AGBL4: variants seen among roughly 807,000 people sequenced by gnomAD.
AGBL4 encodes AGBL carboxypeptidase 4.
In AGBL4, 58 loss-of-function variants were observed where a neutral mutation model predicts 66.4. That is an observed-to-expected ratio of 0.87 (90% CI 0.71 to 1.09). The LOEUF (loss-of-function observed/expected upper bound fraction) is 1.09. Among genes scored for constraint, AGBL4 ranks in the 50% least tolerant of loss-of-function variants. The probability of loss-of-function intolerance (pLI) is 0.00; values close to 1 mark genes in which losing one functional copy is unlikely to be tolerated. For missense variants in AGBL4, 579 were observed against 631.0 expected (o/e 0.92, Z 0.88); for synonymous variants, 234 against 222.9 (o/e 1.05, Z -0.44).
chr1:49,652,149 C>CA (rs568171489), intron 3 of AGBL4, among the ~76,000 whole-genome samples: 28 of 151,244 alleles, frequency 1.9e-4, no homozygotes, highest in African/African-American at 4.9e-4. Flanking sequence ...AAAAACAAAG[C>CA]AAAAAAAATT....
At chr1:49,089,257 C>G (rs1644960653) in intron 4 of AGBL4, among the ~76,000 whole-genome samples, 1 of 150,268 alleles carries the variant, frequency 6.7e-6, no homozygotes, top group African/African-American at 2.4e-5. Flanking sequence ...AAATTCAGAG[C>G]TGAACTGAAA....
Position 49,262,089 on chromosome 1 carries a change from G to C in AGBL4, c.283-16225C>G, listed in dbSNP as rs1225233882. ...ATTCCCTATTTAATAAATGGTGCTG[G>C]GAAAACTGGCTAGCCATATGTAGAA... On this transcript the variant is annotated intron_variant, in intron 3 of 13. Transcript: ENST00000371839. Among the ~76,000 whole-genome samples the C allele has an allele frequency of 1.4e-4, 22 of 152,060 alleles. No individual in the cohort carries two copies. In the East Asian group the frequency reaches 3.9e-3, roughly 27 times the overall value.
chr1:49,913,299 C>T (rs1209511377), intron 1 of AGBL4, among the ~76,000 whole-genome samples: 24 of 152,218 alleles, frequency 1.6e-4, no homozygotes. Flanking sequence ...GATAGACATT[C>T]CCATTCCAAA....
chr1:49,059,172 GA>G (rs139622461), intron 4 of AGBL4, among the ~76,000 whole-genome samples: 1,855 of 152,252 alleles, frequency 0.012, 37 homozygotes, highest in African/African-American at 0.043. Flanking sequence ...GCCTAGGAGG[GA>G]AAAAATGGTT....
chr1:49,427,521 T>C lies in AGBL4; in HGVS notation c.283-181657A>G, dbSNP rs151248643. ...ACTTCAAGAATGAAGCCACGGACCC[T>C]TGCAGTGAGTGTTACAGTTCTTAAA... On this transcript the variant is annotated intron_variant, in intron 3 of 13. Transcript: ENST00000371839. Among the ~76,000 whole-genome samples, 205 of 152,322 alleles carry C rather than the reference T, an allele frequency of 1.3e-3. 1 individual carries two copies. The highest frequency in any genetic ancestry group is 4.7e-3 in the African/African-American group (195 of 41,574).
chr1:49,441,537 T>G (rs1243940783), intron 3 of AGBL4, among the ~76,000 whole-genome samples: 2 of 152,272 alleles, frequency 1.3e-5, no homozygotes, highest in Non-Finnish European at 2.9e-5. Context: ...ATTAGTAAAT[T>G]TGGACCTACT....
At chr1:49,505,901 ACTTTC>A (rs1648636747) in intron 3 of AGBL4, among the ~76,000 whole-genome samples, 2 of 151,644 alleles carry the variant, frequency 1.3e-5, no homozygotes, top group Admixed American at 1.3e-4. Flanking sequence ...ATTCCCGTAA[ACTTTC>A]CTTTTTCTTT....
chr1:48,723,270 T>G lies in AGBL4; in HGVS notation c.635-60029A>C, dbSNP rs544989579. Reference sequence around the variant, plus strand: ...ACTTTGAAAGTCTCAGGGAGGTAGATTTTTAGCTCAATGGAATAATATTTT... The same window carrying G: ...ACTTTGAAAGTCTCAGGGAGGTAGAGTTTTAGCTCAATGGAATAATATTTT... On this transcript the variant is annotated intron_variant, in intron 6 of 13. Transcript: ENST00000371839. Among the ~76,000 whole-genome samples the G allele has an allele frequency of 2.6e-5, 4 of 152,304 alleles. No individual in the cohort carries two copies. In the South Asian group the frequency reaches 8.3e-4, roughly 32 times the overall value.
intron 6 of AGBL4, among the ~76,000 whole-genome samples, chr1:48,827,849 T>C (rs1372762227): frequency 6.6e-6 from 1 of 152,000 alleles, no homozygotes; most frequent in Non-Finnish European, 1.5e-5. Flanking sequence ...GGGAGCTGCA[T>C]TGCTAGTAAG....
At chr1:49,352,398 G>T (rs909012954) in intron 3 of AGBL4, among the ~76,000 whole-genome samples, 1 of 134,596 alleles carries the variant, frequency 7.4e-6, no homozygotes, top group Non-Finnish European at 1.5e-5. Flanking sequence ...TTGTGGAAAG[G>T]AACTACTACT....
intron 11 of AGBL4, among the ~76,000 whole-genome samples, chr1:48,544,107 G>T (rs1196948686): frequency 6.6e-6 from 1 of 152,238 alleles, no homozygotes; most frequent in Non-Finnish European, 1.5e-5. Context: ...GAAATGTACT[G>T]CAGGCTCACT....
At chr1:49,748,228 T>G (rs539653274) in intron 2 of AGBL4, among the ~76,000 whole-genome samples, 2 of 152,234 alleles carry the variant, frequency 1.3e-5, no homozygotes, top group South Asian at 4.1e-4. Flanking sequence ...GTTCTCGTTG[T>G]TCACCTCCCA....
chr1:49,627,718 T>A lies in AGBL4; in HGVS notation c.282+69595A>T, dbSNP rs552404804. ...CTTTCAGCAACATACTGAACTGACC[T>A]ATCCATAAACCAAGCCCAGGGCTAT... On this transcript the variant is annotated intron_variant, in intron 3 of 13. Transcript: ENST00000371839. Among the ~76,000 whole-genome samples the A allele has an allele frequency of 3.3e-5, 5 of 152,292 alleles. No homozygotes were observed. The South Asian group carries it at 6.2e-4, about 19-fold the overall frequency.
At chr1:49,581,540 G>A (rs534038466) in intron 3 of AGBL4, among the ~76,000 whole-genome samples, 6 of 152,138 alleles carry the variant, frequency 3.9e-5, no homozygotes, top group Non-Finnish European at 8.8e-5. Flanking sequence ...GTTGAATGGG[G>A]TTGTTTGGTT....
At chr1:49,381,290 A>C (rs1255583487) in intron 3 of AGBL4, among the ~76,000 whole-genome samples, 1 of 152,228 alleles carries the variant, frequency 6.6e-6, no homozygotes, top group Non-Finnish European at 1.5e-5. Context: ...TCAAAACCAC[A>C]ATGAGATATC....
chr1:49,929,043 T>A (rs72686774), intron 1 of AGBL4, among the ~76,000 whole-genome samples: 14,216 of 152,132 alleles, frequency 0.093, 893 homozygotes, highest in African/African-American at 0.16. Flanking sequence ...GCAACAATTA[T>A]CCTGAGCAAA....
At chr1:48,655,289 A>C (rs1037203445) in intron 7 of AGBL4, among the ~76,000 whole-genome samples, 4 of 152,200 alleles carry the variant, frequency 2.6e-5, no homozygotes, top group African/African-American at 9.7e-5. Flanking sequence ...ATTCATCAGG[A>C]AATAGGGAGA....
chr1:48,729,931 G>T (rs938000094), intron 6 of AGBL4, among the ~76,000 whole-genome samples: 3 of 152,142 alleles, frequency 2.0e-5, no homozygotes, highest in Admixed American at 2.0e-4. Context: ...TGTCTCTCCA[G>T]TCCCACCTCT....
intron 3 of AGBL4, among the ~76,000 whole-genome samples, chr1:49,565,000 G>C (rs4926819): frequency 0.52 from 77,256 of 149,332 alleles, 20,982 homozygotes; most frequent in Middle Eastern, 0.61. Flanking sequence ...CCTGTATTGG[G>C]TGCATATATA....
Sources: gnomAD v4.1 joint callset for allele counts (sites outside exome capture counted in the v4.1 genomes callset) on GRCh38, gnomAD v4.1.1 for gene constraint, MANE v1.5 for transcripts, NCBI Gene and HGNC (gene_info 2026-07-23, HGNC 2026-07-21) for gene names.